The following PRELID2 variants were observed in gnomAD, a reference collection of about 807,000 sequenced individuals.
PRELID2 encodes PRELI domain-containing protein 2.
PRELID2 carries 25 observed loss-of-function variants against 28.4 expected under a neutral mutation model. The observed-to-expected ratio is 0.88, with a 90% CI of 0.64 to 1.23. The LOEUF is 1.23. PRELID2 is among the 50% of genes most tolerant of loss of function. The pLI, the probability that PRELID2 is intolerant of heterozygous loss-of-function variation, is 0.00. For missense variants in PRELID2, 201 were observed against 214.4 expected (o/e 0.94, Z 0.39); for synonymous variants, 76 against 71.6 (o/e 1.06, Z -0.31).
chr5:145,782,929 C>T (rs1345955689), intron 5 of PRELID2, among the ~76,000 whole-genome samples: 1 of 152,188 alleles, frequency 6.6e-6, no homozygotes, highest in African/African-American at 2.4e-5. Context: ...TCTGATTTTA[C>T]AGAAGATGTT....
the PRELID2 span, among the ~76,000 whole-genome samples, chr5:145,341,229 C>T: frequency 2.6e-5 from 4 of 151,350 alleles, no homozygotes; most frequent in South Asian, 6.3e-4. Flanking sequence ...CAGAGAAATA[C>T]AATAATTCTC....
intron 1 of PRELID2, among the ~76,000 whole-genome samples, chr5:145,497,386 G>A (rs1044350853): frequency 6.7e-6 from 1 of 150,172 alleles, no homozygotes; most frequent in African/African-American, 2.4e-5. Context: ...CTTTATTAAT[G>A]ATCTCTTCCC....
downstream of PRELID2, among the ~76,000 whole-genome samples, chr5:145,470,157 G>A (rs77953757): frequency 1.3e-3 from 203 of 152,206 alleles, no homozygotes; most frequent in Non-Finnish European, 2.3e-3. Context: ...CTGACTTTTC[G>A]TCTAAAGGGC....
chr5:145,577,953 A>C (rs1276172414), intron 1 of PRELID2, among the ~76,000 whole-genome samples: 1 of 152,182 alleles, frequency 6.6e-6, no homozygotes, highest in African/African-American at 2.4e-5. Flanking sequence ...ACATTGAAAC[A>C]AATGGAACTA....
chr5:145,524,565 T>C (rs1211449265), intron 1 of PRELID2, among the ~76,000 whole-genome samples: 2 of 152,238 alleles, frequency 1.3e-5, no homozygotes, highest in East Asian at 3.8e-4. Flanking sequence ...GGTTTTGTTC[T>C]CCATGTGGTA....
intron 1 of PRELID2, among the ~76,000 whole-genome samples, chr5:145,833,575 G>A (rs2149896101): frequency 6.6e-6 from 1 of 152,320 alleles, no homozygotes; most frequent in South Asian, 2.1e-4. Flanking sequence ...CACTAGTCTA[G>A]ATACTGAAAA....
chr5:145,445,737 A>T, the PRELID2 span, among the ~76,000 whole-genome samples: 1 of 68,796 alleles, frequency 1.5e-5, no homozygotes, highest in East Asian at 2.8e-4. Context: ...CAGGTGTCTC[A>T]CAAAACACAC....
chr5:145,764,966 T>A lies in PRELID2; in HGVS notation c.509A>T (p.Gln170Leu). The A allele has an allele frequency of 6.2e-7, 1 of 1,612,090 alleles. No individual in the cohort carries two copies. The highest frequency in any genetic ancestry group is 8.5e-7 in the Non-Finnish European group (1 of 1,179,196). Residue 170 changes from glutamine (Q) to leucine (L), a missense_variant, in exon 6 of 7, where the codon CAG becomes CTG. Gln to Leu is a moderately radical substitution (Grantham distance 113). Transcript: ENST00000683046. ...IRIMEMLLKE[Q>L]CGAPLAE ...TTATTCAGCTAAGGGGGCACCACAC[T>A]GTTCCTTTAGCAGCATCTCCATGAT...
At chr5:145,784,750 A>G (rs551395611) in intron 5 of PRELID2, among the ~76,000 whole-genome samples, 1 of 151,014 alleles carries the variant, frequency 6.6e-6, no homozygotes, top group East Asian at 2.0e-4. Context: ...AAATATGTCC[A>G]CAAATGAAAT....
chr5:145,691,282 T>C (rs774073866), intron 1 of PRELID2, among the ~76,000 whole-genome samples: 6 of 152,232 alleles, frequency 3.9e-5, no homozygotes, highest in Non-Finnish European at 7.3e-5. Flanking sequence ...GCAGCTAACA[T>C]AGGACCAAGC....
At chr5:145,361,822 G>A in the PRELID2 span, among the ~76,000 whole-genome samples, 1 of 152,056 alleles carries the variant, frequency 6.6e-6, no homozygotes, top group African/African-American at 2.4e-5. Context: ...CTTCACTCAA[G>A]CTGTCCTCCT....
the PRELID2 span, among the ~76,000 whole-genome samples, chr5:145,417,971 C>T: frequency 6.6e-6 from 1 of 152,136 alleles, no homozygotes; most frequent in African/African-American, 2.4e-5. Flanking sequence ...TTGCAGATGA[C>T]ATGATTCTAT....
At chr5:145,351,966 C>G in the PRELID2 span, among the ~76,000 whole-genome samples, 1 of 152,212 alleles carries the variant, frequency 6.6e-6, no homozygotes, top group Non-Finnish European at 1.5e-5. Flanking sequence ...GAGCTGGGCT[C>G]TCATGGCATT....
chr5:145,774,658 C>A (rs903424357), intron 5 of PRELID2, among the ~76,000 whole-genome samples: 2 of 152,186 alleles, frequency 1.3e-5, no homozygotes, highest in African/African-American at 2.4e-5. Context: ...TCACATTTTC[C>A]TCACCCTTCA....
chr5:145,688,762 G>A (rs190880549), intron 1 of PRELID2, among the ~76,000 whole-genome samples: 8 of 152,244 alleles, frequency 5.3e-5, no homozygotes, highest in Admixed American at 2.0e-4. Flanking sequence ...ACTTGCAAAC[G>A]ATGCAACTAT....
chr5:145,321,821 T>C, the PRELID2 span, among the ~76,000 whole-genome samples: 3 of 152,054 alleles, frequency 2.0e-5, no homozygotes, highest in Non-Finnish European at 4.4e-5. Flanking sequence ...CTCATACAAA[T>C]AAATTAAAAC....
At position 145,792,087 on chromosome 5, in the gene PRELID2, C is replaced by T. The variant is rs148717169; in HGVS notation, c.474+4355G>A. On this transcript the variant is annotated intron_variant, in intron 5 of 6. Coordinates refer to ENST00000683046, the MANE Select transcript of PRELID2 (RefSeq NM_205846.3). ...TACGTTTGCATTCCTCCATCATTAC[C>T]GTGTATCACATCGCCTCACTCTGGT... 2.6e-5 allele frequency among the ~76,000 whole-genome samples: 4 copies of T among 152,222 alleles called. No individual in the cohort carries two copies. The East Asian group carries it at 5.8e-4, about 22-fold the overall frequency.
the PRELID2 span, among the ~76,000 whole-genome samples, chr5:145,276,897 T>C: frequency 6.6e-6 from 1 of 152,300 alleles, no homozygotes; most frequent in South Asian, 2.1e-4. Flanking sequence ...TATTTCCCCA[T>C]TTAACCAATG....
chr5:145,394,689 C>T, the PRELID2 span, among the ~76,000 whole-genome samples: 1 of 152,108 alleles, frequency 6.6e-6, no homozygotes, highest in African/African-American at 2.4e-5. Context: ...TTGTGTTAAT[C>T]CCATTTGAAC....
Sources: gnomAD v4.1 joint callset for allele counts (sites outside exome capture counted in the v4.1 genomes callset) on GRCh38, gnomAD v4.1.1 for gene constraint, MANE v1.5 for transcripts, NCBI Gene and HGNC (gene_info 2026-07-23, HGNC 2026-07-21) for gene names.